The following ADGRL2 variants were observed in gnomAD, a reference collection of about 807,000 sequenced individuals.
ADGRL2 encodes the protein calcium-independent alpha-latrotoxin receptor 2.
Under a neutral mutation model 157.4 loss-of-function variants are expected in ADGRL2, and 44 were observed. The observed-to-expected ratio is 0.28, with a 90% CI of 0.22 to 0.36. ADGRL2 has a LOEUF of 0.36. ADGRL2 is among the 10% of genes least tolerant of loss of function. The pLI is 1.00. For missense variants in ADGRL2, 1,510 were observed against 1,768.9 expected (o/e 0.85, Z 2.63); for synonymous variants, 585 against 624.7 (o/e 0.94, Z 0.95).
intron 2 of ADGRL2, among the ~76,000 whole-genome samples, chr1:81,787,323 C>T (rs1210800152): frequency 6.6e-6 from 1 of 152,150 alleles, no homozygotes; most frequent in Non-Finnish European, 1.5e-5. Context: ...TTATTTGTTT[C>T]TGTCAAGGCA....
intron 2 of ADGRL2, among the ~76,000 whole-genome samples, chr1:81,534,737 A>G (rs867665679): frequency 3.9e-5 from 6 of 152,138 alleles, no homozygotes; most frequent in African/African-American, 1.4e-4. Flanking sequence ...TGGTCCTTCC[A>G]TGTCTATAAA....
intron 1 of ADGRL2, among the ~76,000 whole-genome samples, chr1:81,801,455 T>TCA (rs1216194136): frequency 6.6e-6 from 1 of 152,124 alleles, no homozygotes; most frequent in East Asian, 1.9e-4. Context: ...CTCTCTCCGC[T>TCA]CACACACACG....
intron 2 of ADGRL2, among the ~76,000 whole-genome samples, chr1:81,550,092 G>A (rs937227182): frequency 6.6e-6 from 1 of 152,192 alleles, no homozygotes; most frequent in Admixed American, 6.5e-5. Context: ...ATTATTGGCA[G>A]AGCAGAGGTA....
chr1:81,374,750 G>A (rs1018186332), intron 1 of ADGRL2, among the ~76,000 whole-genome samples: 5 of 152,050 alleles, frequency 3.3e-5, no homozygotes, highest in Non-Finnish European at 7.4e-5. Flanking sequence ...GTCCATTGCC[G>A]CTCACATATC....
rs138322364 is a variant in ADGRL2, at chr1:81,599,077, G to A, written c.-143+18097G>A. ...TTACATTTTAGCAAAGGCCACTGAAGCCTTTGTTCTGCAACAGGCCATTAT... is the reference window on the plus strand; with the variant it reads ...TTACATTTTAGCAAAGGCCACTGAAACCTTTGTTCTGCAACAGGCCATTAT... On this transcript the variant is annotated intron_variant, in intron 3 of 24. Transcript: ENST00000370721. 2.6e-5 allele frequency among the ~76,000 whole-genome samples: 4 copies of A among 152,270 alleles called. No homozygotes were observed. The East Asian group carries it at 7.7e-4, about 29-fold the overall frequency.
chr1:81,729,596 AT>A, intron 1 of ADGRL2, among the ~76,000 whole-genome samples: 1 of 152,166 alleles, frequency 6.6e-6, no homozygotes, highest in Non-Finnish European at 1.5e-5. Context: ...TTTTCTTTGC[AT>A]TTCATAATTT....
At chr1:81,766,071 CT>C (rs1261274695) in intron 2 of ADGRL2, among the ~76,000 whole-genome samples, 4 of 151,916 alleles carry the variant, frequency 2.6e-5, no homozygotes, top group African/African-American at 9.7e-5. Context: ...TTTCATACAA[CT>C]TTTTGGTTCA....
chr1:81,675,981 A>G (rs1422922249), intron 3 of ADGRL2, among the ~76,000 whole-genome samples: 1 of 152,202 alleles, frequency 6.6e-6, no homozygotes, highest in Non-Finnish European at 1.5e-5. Context: ...TCAAAAACCC[A>G]TAACAAGGTT....
chr1:81,830,108 C>A (rs1236392948), intron 1 of ADGRL2, among the ~76,000 whole-genome samples: 2 of 152,138 alleles, frequency 1.3e-5, no homozygotes, highest in African/African-American at 4.8e-5. Flanking sequence ...TGGTCATTTT[C>A]TTGCATATTT....
chr1:81,479,352 G>A (rs924617424), intron 2 of ADGRL2, among the ~76,000 whole-genome samples: 26 of 151,524 alleles, frequency 1.7e-4, no homozygotes, highest in Non-Finnish European at 2.1e-4. Context: ...GTGTGGTGGC[G>A]GGCACCTGTA....
chr1:81,540,652 G>A (rs566802669), intron 2 of ADGRL2, among the ~76,000 whole-genome samples: 1 of 151,728 alleles, frequency 6.6e-6, no homozygotes, highest in African/African-American at 2.4e-5. Flanking sequence ...AAGGCCCTAG[G>A]AACCTGAGAA....
At chr1:81,393,480 A>G (rs542677763) in intron 1 of ADGRL2, among the ~76,000 whole-genome samples, 15 of 152,242 alleles carry the variant, frequency 9.9e-5, no homozygotes, top group African/African-American at 3.6e-4. Flanking sequence ...TCCTGCTCTT[A>G]TTGTTCTCTC....
intron 2 of ADGRL2, among the ~76,000 whole-genome samples, chr1:81,561,526 T>A (rs1328974693): frequency 6.6e-6 from 1 of 151,366 alleles, no homozygotes; most frequent in African/African-American, 2.4e-5. Context: ...AGTGGTGCGA[T>A]CTTGTCTCAC....
intron 2 of ADGRL2, among the ~76,000 whole-genome samples, chr1:81,512,586 C>T (rs1203481731): frequency 6.6e-6 from 1 of 152,086 alleles, no homozygotes; most frequent in Non-Finnish European, 1.5e-5. Context: ...TGTCAGAAAT[C>T]TTATTTGACT....
rs775424081 is a variant in ADGRL2 at position 81,955,970 on chromosome 1, A to G, written c.1927A>G (p.Met643Val). 13 of 1,611,422 alleles carry G rather than the reference A, an allele frequency of 8.1e-6. No homozygotes were observed. Among genetic ancestry groups the G allele is most frequent in the South Asian group, 3.3e-5 (3 of 90,580 alleles). Residue 643 changes from methionine to valine, a missense_variant, in exon 11 of 24, where the codon ATG (methionine) becomes GTG (valine). Physicochemically the swap from Met to Val is conservative, Grantham distance 21. Around this residue, in one of 4 missense-constraint regions of ADGRL2, gnomAD observed 325 missense variants for 333.2 expected, o/e 0.98. Coordinates refer to ENST00000686636, the MANE Select transcript of ADGRL2 (RefSeq NM_001366006.2). The stretch of plus-strand genomic sequence containing the variant: ...TTCTGAACAAGCACATACTGCAACA[A>G]TGTTACTCGATACATTGGAAGAAGG... ...NSSEQAHTAT[M>V]LLDTLEEGAF...
At chr1:81,399,746 G>A (rs1267069546) in intron 1 of ADGRL2, among the ~76,000 whole-genome samples, 1 of 152,070 alleles carries the variant, frequency 6.6e-6, no homozygotes, top group Non-Finnish European at 1.5e-5. Context: ...GTTGCCTTAA[G>A]ATTATTATCC....
chr1:81,534,313 C>A, intron 2 of ADGRL2, among the ~76,000 whole-genome samples: 1 of 152,240 alleles, frequency 6.6e-6, no homozygotes, highest in Non-Finnish European at 1.5e-5. Context: ...AGGCACGAGG[C>A]ACCTTGCCTG....
At chr1:81,879,486 G>T (rs1484042801) in intron 2 of ADGRL2, among the ~76,000 whole-genome samples, 2 of 148,436 alleles carry the variant, frequency 1.3e-5, no homozygotes, top group Admixed American at 6.7e-5. Context: ...TAGCTATTTG[G>T]TTGGTGATGA....
chr1:81,615,003 A>G (rs868724109), intron 3 of ADGRL2, among the ~76,000 whole-genome samples: 7 of 152,164 alleles, frequency 4.6e-5, no homozygotes, highest in Non-Finnish European at 7.3e-5. Context: ...ACAGAGTGAG[A>G]CCATGTATCA....
Sources: allele counts gnomAD v4.1 joint callset (sites outside exome capture counted in the v4.1 genomes callset), GRCh38; gene constraint gnomAD v4.1.1; regional missense constraint gnomAD v4.1.1; transcripts MANE v1.5; gene names NCBI Gene and HGNC (gene_info 2026-07-23, HGNC 2026-07-21).